Variants in ZNF516 observed in about 807,000 individuals in gnomAD.
ZNF516 encodes the protein zinc finger protein 516.
A neutral mutation model predicts 79.7 loss-of-function variants in ZNF516; 19 were observed. The ratio of observed to expected loss-of-function variants is 0.24; its 90% confidence interval spans 0.17 to 0.35. ZNF516 has a LOEUF of 0.35. Among genes scored for constraint, ZNF516 ranks in the 10% least tolerant of loss-of-function variants. The pLI, the probability that ZNF516 is intolerant of heterozygous loss-of-function variation, is 1.00. For missense variants in ZNF516, 1,678 were observed against 1,679.5 expected, an observed-to-expected ratio of 1.00 and a Z score of 0.02; for synonymous variants, 877 against 739.5, an observed-to-expected ratio of 1.19 and a Z score of -3.02.
Position 76,362,369 on chromosome 18 carries a change from T to G in ZNF516, c.*129A>C, listed in dbSNP as rs1599122368. The G allele has an allele frequency of 1.3e-6, 1 of 779,096 alleles. No homozygotes were observed. The highest frequency in any genetic ancestry group is 2.0e-5 in the South Asian group (1 of 49,942). 48.3% of individuals were successfully genotyped at this position (779,096 alleles called of 1,614,324 possible). On this transcript the variant is annotated 3_prime_UTR_variant, in exon 7 of 7. Coordinates refer to ENST00000443185, the MANE Select transcript of ZNF516 (RefSeq NM_014643.4). Reference sequence around the variant, plus strand: ...CAGCGCAGCGGCTCGGGATGTGAGGTGTCTGCTCAGGAGTTCCCCGGCTGT... The same window carrying G: ...CAGCGCAGCGGCTCGGGATGTGAGGGGTCTGCTCAGGAGTTCCCCGGCTGT...
At chr18:76,392,575 TGGGAAGGCAGGTGGCCGGGTGG>T (rs1228592159) in intron 3 of ZNF516, among the ~76,000 whole-genome samples, 1 of 79,874 alleles carries the variant, frequency 1.3e-5, no homozygotes, top group African/African-American at 5.2e-5. Flanking sequence ...GAAAGGTGGA[TGGGAAGGCAGGTGGCCGGGTGG>T]GGGAAGGGCA....
At chr18:76,389,788 C>T (rs1227374396) in intron 3 of ZNF516, among the ~76,000 whole-genome samples, 3 of 152,166 alleles carry the variant, frequency 2.0e-5, no homozygotes, top group African/African-American at 7.2e-5. Flanking sequence ...AGCTATTTCA[C>T]TCTGAGGAGC....
intron 2 of ZNF516, among the ~76,000 whole-genome samples, chr18:76,452,082 C>T (rs1912447585): frequency 6.6e-6 from 1 of 152,174 alleles, no homozygotes; most frequent in African/African-American, 2.4e-5. Flanking sequence ...TAAAAGGCGA[C>T]CAGAATCGGC....
In ZNF516 at chr18:76,490,106, C is replaced by A. The variant is rs1005737284; in HGVS notation, c.-272+5038G>T. 4 of 960,300 alleles carry A rather than the reference C, an allele frequency of 4.2e-6. No individual in the cohort carries two copies. In the African/African-American group the frequency reaches 7.1e-5, roughly 17 times the overall value. 59.5% of individuals were successfully genotyped at this position (960,300 alleles called of 1,614,324 possible). The stretch of plus-strand genomic sequence containing the variant: ...GCTTGTGCCTTAACACACCAAAATT[C>A]AAATTCAATTACCAAAATATTTGTG... On this transcript the variant is annotated intron_variant, in intron 1 of 6. Transcript: ENST00000443185.
intron 2 of ZNF516, among the ~76,000 whole-genome samples, chr18:76,458,683 G>A (rs1341818816): frequency 6.9e-6 from 1 of 144,668 alleles, no homozygotes; most frequent in African/African-American, 2.6e-5. Context: ...GTGTGTGCGT[G>A]CCTCACCGTC....
intron 3 of ZNF516, among the ~76,000 whole-genome samples, chr18:76,391,936 G>A (rs868224754): frequency 4.3e-5 from 6 of 140,446 alleles, no homozygotes; most frequent in Non-Finnish European, 8.2e-5. Flanking sequence ...GAGAGGCCAC[G>A]AGAGCAGGGG....
chr18:76,376,108 G>A (rs1234904700), intron 4 of ZNF516, among the ~76,000 whole-genome samples: 1 of 152,220 alleles, frequency 6.6e-6, no homozygotes, highest in Non-Finnish European at 1.5e-5. Flanking sequence ...AAAGAACTAT[G>A]ACATAGAAGA....
At chr18:76,431,180 A>G (rs2075655530) in intron 3 of ZNF516, among the ~76,000 whole-genome samples, 1 of 152,198 alleles carries the variant, frequency 6.6e-6, no homozygotes, top group Non-Finnish European at 1.5e-5. Flanking sequence ...ACAGAAAATT[A>G]TCTAAGAACC....
chr18:76,415,620 G>T (rs113327159), intron 3 of ZNF516, among the ~76,000 whole-genome samples: 1 of 152,144 alleles, frequency 6.6e-6, no homozygotes, highest in African/African-American at 2.4e-5. Flanking sequence ...CGGGGTTCTC[G>T]GGGAAACAGC....
intron 4 of ZNF516, among the ~76,000 whole-genome samples, chr18:76,374,249 T>C (rs1406778385): frequency 6.6e-6 from 1 of 152,250 alleles, no homozygotes; most frequent in Non-Finnish European, 1.5e-5. Context: ...CTAAGATTCA[T>C]ACTATCAGAT....
chr18:76,419,724 C>A (rs779835301), intron 3 of ZNF516, among the ~76,000 whole-genome samples: 2 of 152,384 alleles, frequency 1.3e-5, no homozygotes, highest in Non-Finnish European at 1.5e-5. Flanking sequence ...GCTTCTCCTT[C>A]ACCTTCTACC....
At position 76,379,985 on chromosome 18, in the gene ZNF516, A is replaced by G; in HGVS notation, c.2129T>C (p.Leu710Pro). Residue 710 changes from leucine (L) to proline (P), a missense_variant, in exon 4 of 7, where the codon CTG becomes CCG. This residue lies in a region of ZNF516 where 1,294 missense variants were observed against 1,248.3 expected (regional missense o/e 1.04). Coordinates refer to ENST00000443185, the MANE Select transcript of ZNF516 (RefSeq NM_014643.4). ...EGQTGHPAEK[L>P]SDLHNKEHSG... ...GTGTTCCTTGTTGTGCAAATCGGAC[A>G]GCTTTTCTGCAGGGTGACCCGTCTG... 6.2e-7 allele frequency: 1 copy of G among 1,613,988 alleles called. No individual in the cohort carries two copies. The highest frequency in any genetic ancestry group is 1.1e-5 in the South Asian group (1 of 91,092).
intron 1 of ZNF516, among the ~76,000 whole-genome samples, chr18:76,480,159 T>TAAAAAAAAAAAAA (rs539724418): frequency 1.8e-5 from 2 of 109,184 alleles, no homozygotes; most frequent in South Asian, 3.3e-4. Context: ...AGATTTTGTG[T>TAAAAAAAAAAAAA]AAAAAAAAAA....
intron 1 of ZNF516, among the ~76,000 whole-genome samples, chr18:76,483,460 G>GGCATCTGTCCGTCATCA (rs539569986): frequency 6.6e-6 from 1 of 151,998 alleles, no homozygotes; most frequent in African/African-American, 2.4e-5. Context: ...GCTCCCTCTC[G>GGCATCTGTCCGTCATCA]GCATCTGTCC....
intron 3 of ZNF516, among the ~76,000 whole-genome samples, chr18:76,381,274 T>C (rs367707334): frequency 6.6e-6 from 1 of 152,342 alleles, no homozygotes; most frequent in East Asian, 1.9e-4. Flanking sequence ...GTTTTATGTT[T>C]TGCATTTACG....
chr18:76,470,280 G>A (rs567732701), intron 1 of ZNF516, among the ~76,000 whole-genome samples: 9 of 152,182 alleles, frequency 5.9e-5, no homozygotes, highest in Admixed American at 5.2e-4. Context: ...TTTTAACTTA[G>A]ATCTGGAACA....
At chr18:76,421,261 G>T (rs1228460556) in intron 3 of ZNF516, among the ~76,000 whole-genome samples, 3 of 152,242 alleles carry the variant, frequency 2.0e-5, no homozygotes. Context: ...GTGAAGTCAA[G>T]TTCAGAAGTC....
intron 3 of ZNF516, among the ~76,000 whole-genome samples, chr18:76,430,538 T>A (rs760422856): frequency 6.6e-6 from 1 of 152,234 alleles, no homozygotes; most frequent in Non-Finnish European, 1.5e-5. Flanking sequence ...AACAACCTAA[T>A]TTCATGACTT....
At chr18:76,372,256 T>G (rs1012106924) in intron 4 of ZNF516, among the ~76,000 whole-genome samples, 2 of 152,260 alleles carry the variant, frequency 1.3e-5, no homozygotes, top group African/African-American at 4.8e-5. Flanking sequence ...TGTTTCCTTC[T>G]GATCCAAAAA....
Sources: gnomAD v4.1 joint callset for allele counts (sites outside exome capture counted in the v4.1 genomes callset) on GRCh38, gnomAD v4.1.1 for gene constraint, gnomAD v4.1.1 regional missense constraint, MANE v1.5 for transcripts, NCBI Gene and HGNC (gene_info 2026-07-23, HGNC 2026-07-21) for gene names.